Variants in PLA2G2A observed in about 807,000 individuals in gnomAD.
PLA2G2A encodes phospholipase A2, membrane associated.
In PLA2G2A, 6 loss-of-function variants were observed where a neutral mutation model predicts 11.2. The ratio of observed to expected loss-of-function variants is 0.54; its 90% CI spans 0.29 to 1.06. PLA2G2A has a LOEUF of 1.06. PLA2G2A is among the 50% of genes least tolerant of loss of function. PLA2G2A has a pLI of 0.08. For missense variants in PLA2G2A, 133 were observed against 177.1 expected, an observed-to-expected ratio of 0.75 and a Z score of 1.41; for synonymous variants, 69 against 65.8, an observed-to-expected ratio of 1.05 and a Z score of -0.23.
chr1:19,976,584 C>T (rs191889874), intron 4 of PLA2G2A, among the ~76,000 whole-genome samples: 8 of 152,322 alleles, frequency 5.3e-5, no homozygotes, highest in African/African-American at 1.7e-4. Context: ...GCTGAAGATA[C>T]ATGCCTCTAT....
Position 19,978,024 on chromosome 1 carries a change from T to C in PLA2G2A, c.283A>G (p.Ile95Val), listed in dbSNP as rs761179419. 2.9e-5 allele frequency: 47 copies of C among 1,602,312 alleles called. No individual in the cohort carries two copies. The South Asian group carries it at 4.7e-4, about 16-fold the overall frequency. ...GAGGTAGGACTCTTACCACAGGTGA[T>C]TCTGCTCCCCGAGTTGCTAAACTTG... The change falls in exon 4 of 5, where the codon ATC becomes GTC. Residue 95 changes from isoleucine (I) to valine (V), a missense_variant. Physicochemically the swap from Ile to Val is conservative, Grantham distance 29. Coordinates refer to ENST00000482011, the Ensembl canonical transcript of PLA2G2A.
chr1:19,978,294 C>T (rs2046250865), intron 3 of PLA2G2A, 86 bp downstream of exon 3: 4 of 1,515,264 alleles, frequency 2.6e-6, no homozygotes, highest in South Asian at 2.3e-5. Context: ...GACCTCTGCG[C>T]CCATCAGGAA....
rs370832312 is a variant in PLA2G2A, at chr1:19,978,470, G to A, written c.95C>T (p.Thr32Met). The change falls in exon 3 of 5, where the codon ACG becomes ATG. Residue 32 changes from threonine to methionine, a missense_variant. By Grantham distance (81) the Thr-to-Met change is moderately conservative. Transcript: ENST00000482011. ...ACTGAGTGCGGCTTCCTTTCCTGTC[G>A]TCAACTTGATCATTCTGTGGAAATT... The A allele has an allele frequency of 4.8e-5, 77 of 1,613,706 alleles. 1 individual carries two copies. The highest frequency in any genetic ancestry group is 4.9e-5 in the Non-Finnish European group (58 of 1,180,004).
intron 4 of PLA2G2A, among the ~76,000 whole-genome samples, chr1:19,976,474 G>T (rs2046221403): frequency 6.6e-6 from 1 of 152,152 alleles, no homozygotes; most frequent in Non-Finnish European, 1.5e-5. Context: ...CCCAAGCCTG[G>T]CACTGCACTC....
chr1:19,978,759 TAGG>T (rs773715153), exon 2 of PLA2G2A: 18 of 1,613,966 alleles, frequency 1.1e-5, no homozygotes, highest in Admixed American at 3.3e-5. Flanking sequence ...CTGCCAACAG[TAGG>T]AGGGTCTTCA....
At position 19,978,541 on chromosome 1, in the gene PLA2G2A, G is replaced by A; in HGVS notation, c.41-17C>T. On this transcript the variant is annotated splice_polypyrimidine_tract_variant and intron_variant, in intron 2 of 4. Coordinates refer to ENST00000482011, the Ensembl canonical transcript of PLA2G2A. ...GCAGTAGGCCTGGAAGGAAATTTGG[G>A]AGTTGTCTGGTGATGGGGCATGGGG... 6.2e-7 allele frequency: 1 copy of A among 1,613,122 alleles called. No homozygotes were observed.
chr1:19,976,875 C>A (rs778785323), intron 4 of PLA2G2A, among the ~76,000 whole-genome samples: 11 of 152,212 alleles, frequency 7.2e-5, no homozygotes, highest in Non-Finnish European at 1.6e-4. Flanking sequence ...GTCCCTCATG[C>A]GTTTCTGCCT....
chr1:19,978,843 G>T, exon 2 of PLA2G2A: 1 of 1,491,456 alleles, frequency 6.7e-7, no homozygotes, highest in Non-Finnish European at 9.3e-7. Flanking sequence ...CTCAACTTCT[G>T]CCCCGGCCGT....
intron 4 of PLA2G2A, among the ~76,000 whole-genome samples, chr1:19,977,616 C>T (rs2046238495): frequency 6.6e-6 from 1 of 152,236 alleles, no homozygotes; most frequent in Admixed American, 6.5e-5. Flanking sequence ...CCTATGTCTC[C>T]AGCATCATGG....
exon 2 of PLA2G2A, chr1:19,978,819 C>T (rs754678279): frequency 1.3e-6 from 2 of 1,594,988 alleles, no homozygotes; most frequent in Non-Finnish European, 1.7e-6. Flanking sequence ...GGCCTAGCTC[C>T]TCTGCTGGGT....
At chr1:19,975,479 G>C (rs780046053), downstream of PLA2G2A, 53 of 596,576 alleles carry the variant, frequency 8.9e-5, no homozygotes, top group Non-Finnish European at 1.5e-4. Flanking sequence ...CCGGAGTACA[G>C]CTTCTTTGGT....
At chr1:19,977,960 C>G in intron 4 of PLA2G2A, 55 bp downstream of exon 4, 1 of 1,028,782 alleles carries the variant, frequency 9.7e-7, no homozygotes, top group Middle Eastern at 2.0e-4. Flanking sequence ...CCAGCACAGT[C>G]CCCAGCACTG....
chr1:19,975,965 C>A (rs2046214459), intron 4 of PLA2G2A, 122 bp from the exon 5 acceptor site: 3 of 803,984 alleles, frequency 3.7e-6, no homozygotes, highest in Admixed American at 4.0e-5. Context: ...GAGACAAACA[C>A]CTGCGCTCCA....
intron 4 of PLA2G2A, among the ~76,000 whole-genome samples, chr1:19,976,202 G>A (rs570506198): frequency 6.6e-6 from 1 of 152,300 alleles, no homozygotes; most frequent in African/African-American, 2.4e-5. Flanking sequence ...TTTTTCCTTT[G>A]CAGTGATTGG....
exon 2 of PLA2G2A, chr1:19,978,829 T>G: frequency 1.3e-6 from 2 of 1,567,644 alleles, no homozygotes; most frequent in African/African-American, 1.4e-5. Context: ...CTCTGCTGGG[T>G]GGTCTCAACT....
chr1:19,978,672 G>A (rs2046259894), intron 2 of PLA2G2A, 62 bp downstream of exon 2: 3 of 1,603,184 alleles, frequency 1.9e-6, no homozygotes, highest in Admixed American at 3.3e-5. Context: ...AAAACTAAGG[G>A]ACAAGAGTGC....
At chr1:19,978,343 A>G (rs201812865) in intron 3 of PLA2G2A, 37 bp downstream of exon 3, 1 of 1,602,654 alleles carries the variant, frequency 6.2e-7, no homozygotes, top group Non-Finnish European at 8.5e-7. Context: ...TGCCTGGGCC[A>G]GAGTCTAGGA....
rs765988887 is a variant in PLA2G2A at position 19,978,040 on chromosome 1, G to A, written c.267C>T (p.Ser89=). ...CACAGGTGATTCTGCTCCCCGAGTTGCTAAACTTGTAGCTCAGAAATTTGG... is the reference window on the plus strand; with the variant it reads ...CACAGGTGATTCTGCTCCCCGAGTTACTAAACTTGTAGCTCAGAAATTTGG... Residue 89 remains serine, a synonymous_variant, in exon 4 of 5, where the codon AGC becomes AGT. Transcript: ENST00000482011. 2.0e-5 allele frequency: 32 copies of A among 1,611,890 alleles called. No individual in the cohort carries two copies. The South Asian group carries it at 2.7e-4, about 14-fold the overall frequency.
intron 1 of PLA2G2A, 194 bp from the exon 2 acceptor site, chr1:19,979,073 C>T (rs1571227060): frequency 2.0e-6 from 1 of 495,600 alleles, no homozygotes; most frequent in Non-Finnish European, 3.7e-6. Flanking sequence ...CTGTGGAGAA[C>T]CCCATGATAC....
Sources: gnomAD v4.1 joint callset for allele counts (sites outside exome capture counted in the v4.1 genomes callset) on GRCh38, gnomAD v4.1.1 for gene constraint, MANE v1.5 for transcripts, NCBI Gene and HGNC (gene_info 2026-07-23, HGNC 2026-07-21) for gene names.